CMTM6: variants seen among roughly 807,000 people sequenced by gnomAD.
CMTM6 encodes CKLF like MARVEL transmembrane domain containing 6, also known as CKLF-like MARVEL transmembrane domain-containing protein 6.
In CMTM6, 5 loss-of-function variants were observed where a neutral mutation model predicts 13.6. The observed-to-expected ratio is 0.37, with a 90% CI of 0.19 to 0.77. CMTM6 has a LOEUF of 0.77. Among genes scored for constraint, CMTM6 ranks in the 30% least tolerant of loss-of-function variants. The pLI, the probability that CMTM6 is intolerant of heterozygous loss-of-function variation, is 0.50. For synonymous variants in CMTM6, 99 were observed against 84.5 expected (o/e 1.17, Z -0.94); for missense variants, 196 against 218.6 (o/e 0.90, Z 0.65).
intron 2 of CMTM6, among the ~76,000 whole-genome samples, chr3:32,489,050 C>T (rs963062961): frequency 5.3e-5 from 8 of 151,208 alleles, no homozygotes; most frequent in Admixed American, 4.0e-4. Flanking sequence ...GGGCAGATCA[C>T]GAGGTCAGGA....
chr3:32,497,684 C>A (rs1363023698), intron 1 of CMTM6, among the ~76,000 whole-genome samples: 2 of 151,330 alleles, frequency 1.3e-5, no homozygotes, highest in Admixed American at 6.6e-5. Context: ...ATAATGAAAC[C>A]CCGTCTCTAT....
chr3:32,493,788 T>A (rs1056896029), intron 1 of CMTM6, among the ~76,000 whole-genome samples: 1 of 152,206 alleles, frequency 6.6e-6, no homozygotes, highest in Admixed American at 6.5e-5. Flanking sequence ...GAGTGCTAAA[T>A]GCTACTTAAA....
At chr3:32,498,835 C>A (rs1697317861) in intron 1 of CMTM6, among the ~76,000 whole-genome samples, 1 of 151,972 alleles carries the variant, frequency 6.6e-6, no homozygotes, top group African/African-American at 2.4e-5. Context: ...ACCTCGGCCT[C>A]CCAAAGTGCT....
rs1553615525 is a variant in CMTM6 at position 32,497,407 on chromosome 3, A to AAGAAAAAG, written c.138+5200_138+5201insCTTTTTCT. Among the ~76,000 whole-genome samples the AAGAAAAAG allele has an allele frequency of 2.3e-4, 33 of 145,762 alleles. 1 individual carries two copies. Among genetic ancestry groups the AAGAAAAAG allele is most frequent in the African/African-American group, 2.8e-4 (11 of 39,018 alleles). ...CAAAAAAAAAAAAAAAAAAGAAAGA[A>AAGAAAAAG]AAAACTCCTTAAAAAGCAGCAAGTA... On this transcript the variant is annotated intron_variant, in intron 1 of 3. Transcript: ENST00000205636.
At chr3:32,485,246 T>C (rs1697192855) in intron 3 of CMTM6, among the ~76,000 whole-genome samples, 1 of 151,872 alleles carries the variant, frequency 6.6e-6, no homozygotes, top group Non-Finnish European at 1.5e-5. Context: ...AAAAAAGAAC[T>C]TCCTCATGCA....
At chr3:32,491,472 AACCAC>A (rs1290427639) in intron 2 of CMTM6, among the ~76,000 whole-genome samples, 9 of 152,316 alleles carry the variant, frequency 5.9e-5, no homozygotes, top group African/African-American at 2.2e-4. Context: ...AATTACATTA[AACCAC>A]CAATAACTGT....
chr3:32,492,891 A>G (rs148496332), intron 1 of CMTM6, among the ~76,000 whole-genome samples: 3 of 152,340 alleles, frequency 2.0e-5, no homozygotes, highest in East Asian at 3.9e-4. Flanking sequence ...TTCATCATCT[A>G]TGGACTACTA....
chr3:32,491,922 T>C, intron 1 of CMTM6, 36 bp from the exon 2 acceptor site: 1 of 1,533,968 alleles, frequency 6.5e-7, no homozygotes, highest in South Asian at 1.2e-5. Context: ...TTAAGTGTTT[T>C]TTCAGAGAAT....
rs145578810 is a variant in CMTM6, at chr3:32,489,577, G to C, written c.316-1541C>G. Among the ~76,000 whole-genome samples the C allele has an allele frequency of 6.5e-3, 992 of 151,454 alleles. 16 individuals are homozygous for C. Among genetic ancestry groups the C allele is most frequent in the African/African-American group, 0.023 (947 of 41,244 alleles). On this transcript the variant is annotated intron_variant, in intron 2 of 3. Transcript: ENST00000205636. Reference sequence around the variant, plus strand: ...GAGGCAGGAGAATCACTTAAACCCAGGAAGCACAAGGTTGCAGTGAGCCGA... The same window carrying C: ...GAGGCAGGAGAATCACTTAAACCCACGAAGCACAAGGTTGCAGTGAGCCGA...
intron 3 of CMTM6, among the ~76,000 whole-genome samples, chr3:32,486,558 G>T (rs984782795): frequency 6.6e-6 from 1 of 152,096 alleles, no homozygotes; most frequent in African/African-American, 2.4e-5. Context: ...CTAAAATCCA[G>T]AATATTCTGA....
intron 1 of CMTM6, among the ~76,000 whole-genome samples, chr3:32,499,206 C>T (rs1697324565): frequency 6.6e-6 from 1 of 152,088 alleles, no homozygotes; most frequent in Admixed American, 6.6e-5. Context: ...GGATCTTCCT[C>T]AAGGTAAAAA....
At chr3:32,489,849 C>T (rs1047830927) in intron 2 of CMTM6, among the ~76,000 whole-genome samples, 3 of 152,002 alleles carry the variant, frequency 2.0e-5, no homozygotes, top group Non-Finnish European at 2.9e-5. Flanking sequence ...GTTCAATAAA[C>T]GGGTTCTAGA....
intron 1 of CMTM6, among the ~76,000 whole-genome samples, chr3:32,500,394 A>T (rs1697334554): frequency 1.3e-5 from 2 of 152,220 alleles, no homozygotes; most frequent in Admixed American, 1.3e-4. Context: ...TGTTACTGTG[A>T]AGAGATAAGA....
intron 1 of CMTM6, among the ~76,000 whole-genome samples, chr3:32,502,116 A>T (rs2125660834): frequency 6.6e-6 from 1 of 152,340 alleles, no homozygotes; most frequent in South Asian, 2.1e-4. Flanking sequence ...ACACACATAC[A>T]CACACATCTC....
chr3:32,486,003 G>C (rs542706795), intron 3 of CMTM6, among the ~76,000 whole-genome samples: 140 of 152,158 alleles, frequency 9.2e-4, no homozygotes, highest in African/African-American at 3.2e-3. Flanking sequence ...TCAGCCTCTC[G>C]AGTAGCTGGG....
chr3:32,497,037 G>C (rs1359600973), intron 1 of CMTM6, among the ~76,000 whole-genome samples: 1 of 152,082 alleles, frequency 6.6e-6, no homozygotes, highest in East Asian at 1.9e-4. Context: ...GTGTAGGAGG[G>C]AAAAGAGCAA....
chr3:32,489,263 C>A (rs1697230718), intron 2 of CMTM6, among the ~76,000 whole-genome samples: 2 of 117,404 alleles, frequency 1.7e-5, no homozygotes, highest in African/African-American at 7.2e-5. Flanking sequence ...GAGCGAGACT[C>A]CATCTCAAAA....
chr3:32,484,909 C>G lies in CMTM6; in HGVS notation c.415-812G>C, dbSNP rs567588678. On this transcript the variant is annotated intron_variant, in intron 3 of 3. Transcript: ENST00000205636. ...TTGCAGTCTCCTGACCTCTCCTCCCCCCTCTAAAGAATAAGCATTCCACCT... is the reference window on the plus strand; with the variant it reads ...TTGCAGTCTCCTGACCTCTCCTCCCGCCTCTAAAGAATAAGCATTCCACCT... Among the ~76,000 whole-genome samples the G allele has an allele frequency of 6.6e-5, 10 of 152,178 alleles. No homozygotes were observed. The East Asian group carries it at 7.7e-4, about 12-fold the overall frequency.
rs1436917619 is a variant in CMTM6, at chr3:32,483,900, A to G, written c.*60T>C. On this transcript the variant is annotated 3_prime_UTR_variant, in exon 4 of 4. Coordinates refer to ENST00000205636, the MANE Select transcript of CMTM6 (RefSeq NM_017801.3). ...AACAAATTTTACAAGAGCTTCTGCCAGGGCTCAGGCACCACAATGCAGGGT... is the reference window on the plus strand; with the variant it reads ...AACAAATTTTACAAGAGCTTCTGCCGGGGCTCAGGCACCACAATGCAGGGT... The G allele has an allele frequency of 2.1e-6, 3 of 1,395,790 alleles. No individual in the cohort carries two copies. The highest frequency in any genetic ancestry group is 2.8e-6 in the Non-Finnish European group (3 of 1,063,502). 86.5% of individuals were successfully genotyped at this position (1,395,790 alleles called of 1,614,324 possible). A position where few individuals can be genotyped will look rare whatever the true frequency, so the allele number is the denominator to read the frequency against.
Sources: allele counts gnomAD v4.1 joint callset (sites outside exome capture counted in the v4.1 genomes callset), GRCh38; gene constraint gnomAD v4.1.1; transcripts MANE v1.5; gene names NCBI Gene and HGNC (gene_info 2026-07-23, HGNC 2026-07-21).